Variants in NTRK3 observed in about 807,000 individuals in gnomAD.
NTRK3 encodes the protein neurotrophic receptor tyrosine kinase 3.
A neutral mutation model predicts 91.7 loss-of-function variants in NTRK3; 24 were observed. The ratio of observed to expected loss-of-function variants is 0.26; its 90% CI spans 0.19 to 0.37. The LOEUF is 0.37. NTRK3 is among the 10% of genes least tolerant of loss of function. The probability of loss-of-function intolerance (pLI) is 1.00; values close to 1 mark genes in which losing one functional copy is unlikely to be tolerated. For missense variants in NTRK3, 880 were observed against 1,068.9 expected (o/e 0.82, Z 2.46); for synonymous variants, 483 against 404.0 (o/e 1.20, Z -2.34).
chr15:87,930,075 G>A (rs1387674190), intron 16 of NTRK3, among the ~76,000 whole-genome samples: 3 of 152,150 alleles, frequency 2.0e-5, no homozygotes, highest in African/African-American at 7.2e-5. Flanking sequence ...CTAGCTCCCA[G>A]GGCTGATGCT....
intron 17 of NTRK3, among the ~76,000 whole-genome samples, chr15:87,913,659 A>C (rs567001810): frequency 6.6e-6 from 1 of 152,354 alleles, no homozygotes; most frequent in South Asian, 2.1e-4. Context: ...TGCAAGCAAC[A>C]AAAGGACTCA....
At chr15:87,887,612 G>A (rs2065624652) in intron 17 of NTRK3, among the ~76,000 whole-genome samples, 1 of 152,086 alleles carries the variant, frequency 6.6e-6, no homozygotes, top group South Asian at 2.1e-4. Flanking sequence ...AAAAATCCAT[G>A]CTGATCTTCC....
intron 14 of NTRK3, among the ~76,000 whole-genome samples, chr15:87,957,183 AGAGC>A (rs10575180): frequency 0.98 from 148,476 of 152,192 alleles, 72,439 homozygotes; most frequent in East Asian, 1. Flanking sequence ...TAATAATACT[AGAGC>A]GAGCCTGCCT....
At chr15:87,979,071 C>A (rs1320031570) in intron 14 of NTRK3, 3 of 539,142 alleles carry the variant, frequency 5.6e-6, no homozygotes, top group Non-Finnish European at 9.9e-6. Flanking sequence ...GTTTTTAATT[C>A]TCTTTATTGG....
At chr15:88,176,911 G>A (rs186179541) in intron 5 of NTRK3, among the ~76,000 whole-genome samples, 2 of 152,336 alleles carry the variant, frequency 1.3e-5, no homozygotes, top group African/African-American at 4.8e-5. Context: ...TGATCTATTT[G>A]TAAGGAGAAG....
At chr15:88,046,549 A>T (rs8033409) in intron 13 of NTRK3, among the ~76,000 whole-genome samples, 1 of 151,972 alleles carries the variant, frequency 6.6e-6, no homozygotes, top group Non-Finnish European at 1.5e-5. Flanking sequence ...AAGGAAGGAC[A>T]CCTCACCCAG....
chr15:87,863,501 G>C (rs765945661), exon 19 of NTRK3: 3 of 217,154 alleles, frequency 1.4e-5, no homozygotes, highest in African/African-American at 2.3e-5. Flanking sequence ...CAGGTGACAG[G>C]CCTCAAAACA....
At chr15:87,878,264 G>A (rs755781206) in intron 18 of NTRK3, among the ~76,000 whole-genome samples, 12 of 152,146 alleles carry the variant, frequency 7.9e-5, no homozygotes, top group Non-Finnish European at 1.2e-4. Flanking sequence ...CCATTAGTCT[G>A]TATCTAATTA....
At chr15:87,934,979 A>C (rs1277196303) in intron 15 of NTRK3, among the ~76,000 whole-genome samples, 2 of 152,164 alleles carry the variant, frequency 1.3e-5, no homozygotes, top group Non-Finnish European at 2.9e-5. Flanking sequence ...GCTGACAAAA[A>C]AGTCGAAAGT....
intron 14 of NTRK3, among the ~76,000 whole-genome samples, chr15:88,001,530 G>T (rs1412833170): frequency 6.6e-6 from 1 of 152,092 alleles, no homozygotes; most frequent in Non-Finnish European, 1.5e-5. Context: ...TATGTGGTAG[G>T]GGTTCCAAGT....
At chr15:88,239,504 G>A (rs936722833) in intron 3 of NTRK3, among the ~76,000 whole-genome samples, 1 of 152,160 alleles carries the variant, frequency 6.6e-6, no homozygotes, top group African/African-American at 2.4e-5. Context: ...ATGGCATTCT[G>A]TAACAAGTGT....
intron 12 of NTRK3, among the ~76,000 whole-genome samples, chr15:88,126,728 T>C (rs973199230): frequency 2.0e-5 from 3 of 152,184 alleles, no homozygotes; most frequent in African/African-American, 7.2e-5. Context: ...TATATAACAT[T>C]CTTATCCAGG....
chr15:88,083,254 C>T (rs982593827), intron 13 of NTRK3, among the ~76,000 whole-genome samples: 1 of 152,038 alleles, frequency 6.6e-6, no homozygotes, highest in Non-Finnish European at 1.5e-5. Flanking sequence ...GAGTCTCCCT[C>T]TTGTCACCCA....
rs2051867295 is a variant in NTRK3, at chr15:88,237,202, T to C, written c.248+18704A>G. On this transcript the variant is annotated intron_variant, in intron 3 of 18. Coordinates refer to ENST00000394480, the Ensembl canonical transcript of NTRK3. The surrounding 1 kb of genome is among the most constrained non-coding windows in gnomAD (Gnocchi z 4.0). ...GTGATAAAGAAGTAGAGTGCCATAT[T>C]AATTGCAGAGTCTAGGGCGTAGTTT... is the stretch of plus-strand genomic sequence containing the variant. Among the ~76,000 whole-genome samples, 1 of 152,138 alleles carries C rather than the reference T, an allele frequency of 6.6e-6. No homozygotes were observed. Among genetic ancestry groups the C allele is most frequent in the African/African-American group, 2.4e-5 (1 of 41,426 alleles).
rs146817523 is a variant in NTRK3, at chr15:87,987,878, A to AAAT, written c.1585+44976_1585+44978dup. On this transcript the variant is annotated intron_variant, in intron 14 of 18. Transcript: ENST00000394480. ...GGTGACACAGTGAGAATCTGTCTCA[A>AAAT]AATAATAATAATAATAATAATAAAT... Among the ~76,000 whole-genome samples, 221 of 150,812 alleles carry AAAT rather than the reference A, an allele frequency of 1.5e-3. 1 individual carries two copies. The highest frequency in any genetic ancestry group is 3.9e-3 in the African/African-American group (160 of 41,262).
chr15:88,226,168 T>A (rs1203127991), intron 3 of NTRK3, among the ~76,000 whole-genome samples: 1 of 152,120 alleles, frequency 6.6e-6, no homozygotes, highest in Non-Finnish European at 1.5e-5. Context: ...AGCCAGACCG[T>A]CTCTAAGTCC....
At chr15:88,256,056 G>C in exon 3 of NTRK3, 1 of 1,613,646 alleles carries the variant, frequency 6.2e-7, no homozygotes, top group Non-Finnish European at 8.5e-7. Context: ...ACAATTTGCA[G>C]GGCAAGCCAG....
intron 13 of NTRK3, among the ~76,000 whole-genome samples, chr15:88,063,018 G>T (rs1310245112): frequency 6.6e-6 from 1 of 152,234 alleles, no homozygotes; most frequent in African/African-American, 2.4e-5. Context: ...CACTTTCAGT[G>T]CTTTGGGGAT....
chr15:88,102,154 G>T (rs2050241124), intron 13 of NTRK3, among the ~76,000 whole-genome samples: 2 of 152,054 alleles, frequency 1.3e-5, no homozygotes, highest in Non-Finnish European at 2.9e-5. Context: ...ATCTCCCCTG[G>T]TCCTATGCAA....
Sources: gnomAD v4.1 joint callset for allele counts (sites outside exome capture counted in the v4.1 genomes callset) on GRCh38, gnomAD v4.1.1 for gene constraint, Gnocchi (gnomAD v3.1) non-coding constraint, MANE v1.5 for transcripts, NCBI Gene and HGNC (gene_info 2026-07-23, HGNC 2026-07-21) for gene names.